COL4A2: variants seen among roughly 807,000 people sequenced by gnomAD.
COL4A2 encodes collagen alpha-2(IV) chain.
A neutral mutation model predicts 200.2 loss-of-function variants in COL4A2; 99 were observed. The ratio of observed to expected loss-of-function variants is 0.49; its 90% CI spans 0.42 to 0.58. The LOEUF (loss-of-function observed/expected upper bound fraction) is 0.58, where lower values mean the gene tolerates loss of function less well. COL4A2 is among the 20% of genes least tolerant of loss of function. The probability of loss-of-function intolerance (pLI) is 0.00; values close to 1 mark genes in which losing one functional copy is unlikely to be tolerated. For synonymous variants in COL4A2, 897 were observed against 900.6 expected (o/e 1.00, Z 0.07); for missense variants, 1,950 against 2,314.1 (o/e 0.84, Z 3.23).
At chr13:110,480,583 G>A (rs550885886) in intron 31 of COL4A2, among the ~76,000 whole-genome samples, 193 bp downstream of exon 31, 31 of 152,318 alleles carry the variant, frequency 2.0e-4, no homozygotes, top group Non-Finnish European at 3.5e-4. Flanking sequence ...CTGCTTAGAC[G>A]CGGGTGGGAC....
At chr13:110,377,728 A>G (rs1375636185) in intron 4 of COL4A2, among the ~76,000 whole-genome samples, 1 of 152,260 alleles carries the variant, frequency 6.6e-6, no homozygotes, top group African/African-American at 2.4e-5. Flanking sequence ...CCTTGGTGAA[A>G]CAATACTAAA....
intron 4 of COL4A2, among the ~76,000 whole-genome samples, chr13:110,378,970 A>G (rs918358894): frequency 6.6e-6 from 1 of 152,160 alleles, no homozygotes; most frequent in Non-Finnish European, 1.5e-5. Context: ...GCTCCTGTAA[A>G]GGGGAGATCA....
Position 110,375,765 on chromosome 13 carries a change from G to A in COL4A2, c.180+18213G>A, listed in dbSNP as rs569304615. ...GAATCACTTGAACCCGGGAGTCGGA[G>A]GCTGCAGTGAGCCAAGATCACGCCG... On this transcript the variant is annotated intron_variant, in intron 4 of 47. Coordinates refer to ENST00000360467, the MANE Select transcript of COL4A2 (RefSeq NM_001846.4). Among the ~76,000 whole-genome samples, 11 of 152,180 alleles carry A rather than the reference G, an allele frequency of 7.2e-5. 1 individual carries two copies. Among genetic ancestry groups the A allele is most frequent in the African/African-American group, 2.4e-4 (10 of 41,518 alleles).
intron 4 of COL4A2, among the ~76,000 whole-genome samples, chr13:110,423,245 T>G (rs532285438): frequency 1.1e-4 from 11 of 104,748 alleles, no homozygotes; most frequent in African/African-American, 2.2e-4. Context: ...ATAGGAGAGA[T>G]AGAACTTCCC....
At chr13:110,322,388 T>C (rs935040965) in intron 3 of COL4A2, among the ~76,000 whole-genome samples, 2 of 152,200 alleles carry the variant, frequency 1.3e-5, no homozygotes, top group Non-Finnish European at 2.9e-5. Flanking sequence ...ACCGGGTGTC[T>C]GGGTGGGAAG....
chr13:110,398,193 C>T (rs1452637373), intron 4 of COL4A2, among the ~76,000 whole-genome samples: 1 of 149,364 alleles, frequency 6.7e-6, no homozygotes, highest in Admixed American at 6.7e-5. Flanking sequence ...TTTACATGTT[C>T]CTTTAGGTGG....
intron 4 of COL4A2, among the ~76,000 whole-genome samples, chr13:110,369,409 G>A (rs1051123731): frequency 3.3e-5 from 5 of 152,108 alleles, no homozygotes; most frequent in Admixed American, 6.5e-5. Context: ...CAACCAGTAA[G>A]TATGTGCAGA....
At chr13:110,337,706 T>G (rs952630310) in intron 3 of COL4A2, among the ~76,000 whole-genome samples, 1 of 152,244 alleles carries the variant, frequency 6.6e-6, no homozygotes, top group African/African-American at 2.4e-5. Context: ...GACACAGTGC[T>G]GGAGGCTCTA....
chr13:110,461,120 C>A (rs543783193), intron 22 of COL4A2, among the ~76,000 whole-genome samples: 3 of 152,204 alleles, frequency 2.0e-5, no homozygotes, highest in African/African-American at 7.2e-5. Flanking sequence ...TTCCAGGCTG[C>A]GATTTGAGAG....
chr13:110,356,434 C>T (rs1483425960), intron 3 of COL4A2, among the ~76,000 whole-genome samples: 1 of 152,210 alleles, frequency 6.6e-6, no homozygotes, highest in African/African-American at 2.4e-5. Flanking sequence ...CCGCCAGATG[C>T]ACCTGCCAGT....
chr13:110,456,420 T>C (rs1234123249), intron 20 of COL4A2: 4 of 272,734 alleles, frequency 1.5e-5, no homozygotes, highest in African/African-American at 9.2e-5. Flanking sequence ...TTTTAGTTTT[T>C]TGGGGGGGAA....
At chr13:110,351,722 A>C (rs538575230) in intron 3 of COL4A2, among the ~76,000 whole-genome samples, 2 of 152,246 alleles carry the variant, frequency 1.3e-5, no homozygotes, top group East Asian at 3.9e-4. Context: ...AGATAAGTCC[A>C]ATGGGGTCTG....
At chr13:110,500,044 AC>A (rs1253383327) in intron 40 of COL4A2, among the ~76,000 whole-genome samples, 3 of 152,138 alleles carry the variant, frequency 2.0e-5, no homozygotes, top group African/African-American at 7.2e-5. Context: ...GACAAGCCTC[AC>A]CTCTCTAAAT....
intron 3 of COL4A2, among the ~76,000 whole-genome samples, chr13:110,330,143 G>A (rs1229547096): frequency 2.6e-5 from 4 of 152,106 alleles, no homozygotes; most frequent in Non-Finnish European, 2.9e-5. Context: ...GGCTTTCCAC[G>A]GCCCCTTTAA....
intron 33 of COL4A2, among the ~76,000 whole-genome samples, 193 bp from the exon 34 acceptor site, chr13:110,485,461 TG>T (rs1360152385): frequency 2.1e-5 from 3 of 145,478 alleles, no homozygotes; most frequent in African/African-American, 7.8e-5. Context: ...AGGCAGAGCT[TG>T]TAGTGAGCCG....
rs1555334027 is a variant in COL4A2 at position 110,509,245 on chromosome 13, T to TTTTATATATA, written c.4881+1025_4881+1026insTTATATATAT. Among the ~76,000 whole-genome samples the TTTTATATATA allele has an allele frequency of 1.2e-4, 9 of 72,002 alleles. No homozygotes were observed. In the East Asian group the frequency reaches 2.8e-3, roughly 22 times the overall value. The allele number at this position is 72,002 out of a possible 152,430, so 47.2% of individuals were successfully genotyped here. A position where few individuals can be genotyped will look rare whatever the true frequency, so the allele number is the denominator to read the frequency against. ...CCCAGCATGTTAAATATTTCATAAA[T>TTTTATATATA]TATATATATATATATATATATATAT... is the stretch of plus-strand genomic sequence containing the variant. On this transcript the variant is annotated intron_variant, in intron 47 of 47. Transcript: ENST00000360467.
intron 22 of COL4A2, chr13:110,459,317 A>C: frequency 2.3e-5 from 4 of 175,044 alleles, no homozygotes; most frequent in African/African-American, 4.8e-5. Flanking sequence ...AACTATCCAA[A>C]TGTGCGTCAC....
At chr13:110,424,323 T>C (rs1371980035) in intron 4 of COL4A2, among the ~76,000 whole-genome samples, 1 of 151,350 alleles carries the variant, frequency 6.6e-6, no homozygotes, top group Non-Finnish European at 1.5e-5. Flanking sequence ...GAGGGTCTTT[T>C]TGATATTTGA....
At chr13:110,337,904 CT>C in intron 3 of COL4A2, among the ~76,000 whole-genome samples, 1 of 152,200 alleles carries the variant, frequency 6.6e-6, no homozygotes, top group Non-Finnish European at 1.5e-5. Context: ...CATATATTCA[CT>C]AAATGAACAT....
Sources: gnomAD v4.1 joint callset for allele counts (sites outside exome capture counted in the v4.1 genomes callset) on GRCh38, gnomAD v4.1.1 for gene constraint, MANE v1.5 for transcripts, NCBI Gene and HGNC (gene_info 2026-07-23, HGNC 2026-07-21) for gene names.